Variants in SETX observed in about 807,000 individuals in gnomAD.
SETX encodes the protein helicase senataxin.
SETX carries 90 observed loss-of-function variants against 227.2 expected under a neutral mutation model. The ratio of observed to expected loss-of-function variants is 0.40; its 90% CI spans 0.33 to 0.47. The LOEUF is 0.47. Ranked by LOEUF, SETX falls within the 20% of genes least tolerant of loss-of-function variation. SETX has a pLI of 0.91. For missense variants in SETX, 3,052 were observed against 3,181.5 expected (o/e 0.96, Z 0.98); for synonymous variants, 1,210 against 1,113.2 (o/e 1.09, Z -1.73).
intron 7 of SETX, among the ~76,000 whole-genome samples, 179 bp from the exon 8 acceptor site, chr9:132,331,627 G>C (rs1373431065): frequency 1.3e-5 from 2 of 151,038 alleles, no homozygotes; most frequent in Non-Finnish European, 2.9e-5. Context: ...TTCAAAAGCA[G>C]CCACATTTTC....
rs539469701 is a variant in SETX, at chr9:132,327,405, C to A, written c.4193G>T (p.Cys1398Phe). Residue 1398 changes from cysteine (C) to phenylalanine (F), a missense_variant, in exon 10 of 26, where the codon TGT becomes TTT. By Grantham distance (205) the Cys-to-Phe change is radical. Coordinates refer to ENST00000224140, the MANE Select transcript of SETX (RefSeq NM_015046.7). ...VPESDRSDYN[C>F]TGGTEVLANS... is the part of the protein sequence containing the mutation. ...GGCAAGTACCTCAGTTCCTCCTGTA[C>A]AATTATAATCTGACCTATCAGATTC... 8.1e-6 allele frequency: 13 copies of A among 1,614,204 alleles called. No individual in the cohort carries two copies. The African/African-American group carries it at 1.1e-4, about 13-fold the overall frequency.
chr9:132,346,172 A>C, intron 4 of SETX, 89 bp downstream of exon 4: 1 of 1,079,498 alleles, frequency 9.3e-7, no homozygotes, highest in Non-Finnish European at 1.4e-6. Flanking sequence ...TATGTTTAGC[A>C]AACAAATTTG....
rs1246149313 is a variant in SETX, at chr9:132,305,226, C to T, written c.5375-4423G>A. On this transcript the variant is annotated intron_variant, in intron 11 of 25. Coordinates refer to ENST00000224140, the MANE Select transcript of SETX (RefSeq NM_015046.7). ...AAAATTAGCCGGGCATGGTGGCGGC[C>T]GCCTGTAGTCCCAGCAACTCGGGAG... 1.7e-4 allele frequency among the ~76,000 whole-genome samples: 25 copies of T among 149,016 alleles called. No homozygotes were observed. The South Asian group carries it at 4.3e-3, about 26-fold the overall frequency.
chr9:132,352,312 G>C (rs2131587083), intron 2 of SETX, among the ~76,000 whole-genome samples: 1 of 152,256 alleles, frequency 6.6e-6, no homozygotes, highest in South Asian at 2.1e-4. Flanking sequence ...CCCTGCCTTT[G>C]TTACTCATAT....
chr9:132,341,287 T>G (rs1438890830), intron 5 of SETX, among the ~76,000 whole-genome samples: 1 of 152,176 alleles, frequency 6.6e-6, no homozygotes, highest in African/African-American at 2.4e-5. Flanking sequence ...AGAGTTTCTC[T>G]CAATGTTCTC....
intron 11 of SETX, among the ~76,000 whole-genome samples, chr9:132,309,771 G>A (rs80198753): frequency 0.022 from 3,278 of 152,212 alleles, 61 homozygotes; most frequent in Non-Finnish European, 0.032. Context: ...GCGAGCTGTA[G>A]TTTGCTAACC....
chr9:132,320,280 A>AAAAAAAAAAGTCT (rs1846235106), intron 10 of SETX, among the ~76,000 whole-genome samples: 1 of 151,322 alleles, frequency 6.6e-6, no homozygotes, highest in Non-Finnish European at 1.5e-5. Flanking sequence ...TGGTAACCCC[A>AAAAAAAAAAGTCT]AAAAAAAAGT....
intron 12 of SETX, among the ~76,000 whole-genome samples, chr9:132,298,597 A>G (rs192941739): frequency 2.1e-4 from 32 of 152,290 alleles, no homozygotes; most frequent in Non-Finnish European, 2.6e-4. Context: ...GGAGGCAGAT[A>G]AGCTGGTCCG....
intron 22 of SETX, 27 bp from the exon 23 acceptor site, chr9:132,275,447 A>T: frequency 6.3e-7 from 1 of 1,577,350 alleles, no homozygotes; most frequent in South Asian, 1.1e-5. Flanking sequence ...AAGAAAACAC[A>T]GTGTTATCAA....
intron 10 of SETX, among the ~76,000 whole-genome samples, chr9:132,318,196 CA>C (rs1416323836): frequency 6.6e-6 from 1 of 152,196 alleles, no homozygotes. Flanking sequence ...CCTCTATCCC[CA>C]ACTAGCTCCT....
At position 132,342,900 on chromosome 9, in the gene SETX, C is replaced by T; in HGVS notation, c.389-101G>A. The T allele has an allele frequency of 4.4e-6, 4 of 916,456 alleles. No individual in the cohort carries two copies. In the South Asian group the frequency reaches 5.6e-5, roughly 13 times the overall value. The allele number at this position is 916,456 out of a possible 1,614,324, so 56.8% of individuals were successfully genotyped here. ...TATTCTGTAAATAAATAAAAATTTG[C>T]TTTTTATTTTTCCAAATTGAGGCAT... On this transcript the variant is annotated intron_variant, in intron 4 of 25. Coordinates refer to ENST00000224140, the MANE Select transcript of SETX (RefSeq NM_015046.7).
At chr9:132,312,934 C>T (rs1424265603) in intron 10 of SETX, among the ~76,000 whole-genome samples, 2 of 152,104 alleles carry the variant, frequency 1.3e-5, no homozygotes, top group African/African-American at 2.4e-5. Context: ...TTAATACATG[C>T]TACAAGGATA....
chr9:132,285,913 T>G (rs1589645611), intron 18 of SETX, among the ~76,000 whole-genome samples: 1 of 144,540 alleles, frequency 6.9e-6, no homozygotes, highest in African/African-American at 2.6e-5. Context: ...CCAGGTGTGG[T>G]GCCTCACGCC....
chr9:132,318,326 T>G (rs2131383087), intron 10 of SETX, among the ~76,000 whole-genome samples: 1 of 152,360 alleles, frequency 6.6e-6, no homozygotes, highest in Admixed American at 6.5e-5. Flanking sequence ...ATAATTTTGC[T>G]TTACCTGCTC....
intron 5 of SETX, among the ~76,000 whole-genome samples, chr9:132,341,548 T>A (rs1287461612): frequency 6.6e-6 from 1 of 152,158 alleles, no homozygotes. Context: ...AGCTCAGGGC[T>A]CCCAACCTTT....
chr9:132,328,726 T>A lies in SETX; in HGVS notation c.2872A>T (p.Ile958Leu). The A allele has an allele frequency of 6.2e-7, 1 of 1,613,640 alleles. No individual in the cohort carries two copies. Residue 958 changes from isoleucine to leucine, a missense_variant, in exon 10 of 26, where the codon ATA becomes TTA. Transcript: ENST00000224140. ...GATAATTTGTGAAGGTCTCTGTCTA[T>A]CTGAGAATCCGTTAAGGTGTCAGAT... is the stretch of plus-strand genomic sequence containing the variant. ...PKSDTLTDSQ[I>L]DRDLHKLSLL... is the part of the protein sequence containing the mutation.
At chr9:132,312,433 A>G (rs146333476) in intron 10 of SETX, among the ~76,000 whole-genome samples, 58 of 152,352 alleles carry the variant, frequency 3.8e-4, no homozygotes, top group East Asian at 3.3e-3. Context: ...CTAGTATAAA[A>G]AAGTCATATT....
At chr9:132,286,015 TCTA>T (rs1843857877) in intron 18 of SETX, among the ~76,000 whole-genome samples, 1 of 149,218 alleles carries the variant, frequency 6.7e-6, no homozygotes, top group Non-Finnish European at 1.5e-5. Flanking sequence ...AAACCCCGTC[TCTA>T]CTAACAATGC....
At chr9:132,279,514 G>A (rs924459931) in intron 20 of SETX, among the ~76,000 whole-genome samples, 1 of 152,212 alleles carries the variant, frequency 6.6e-6, no homozygotes, top group African/African-American at 2.4e-5. Context: ...TGAGTGATGT[G>A]AAAGATACTG....
Sources: allele counts gnomAD v4.1 joint callset (sites outside exome capture counted in the v4.1 genomes callset), GRCh38; gene constraint gnomAD v4.1.1; transcripts MANE v1.5; gene names NCBI Gene and HGNC (gene_info 2026-07-23, HGNC 2026-07-21).